Variants in FER observed in about 807,000 individuals in gnomAD.
FER encodes the protein tyrosine-protein kinase Fer.
A neutral mutation model predicts 111.0 loss-of-function variants in FER; 63 were observed. That is an observed-to-expected ratio of 0.57 (90% CI 0.46 to 0.70). The LOEUF is 0.70. Ranked by LOEUF, FER falls within the 30% of genes least tolerant of loss-of-function variation. The pLI is 0.00. For missense variants in FER, 914 were observed against 954.0 expected (o/e 0.96, Z 0.55); for synonymous variants, 327 against 313.9 (o/e 1.04, Z -0.44).
chr5:108,785,839 C>T (rs779791188), intron 2 of FER, among the ~76,000 whole-genome samples: 2 of 152,156 alleles, frequency 1.3e-5, no homozygotes, highest in African/African-American at 2.4e-5. Flanking sequence ...GTGAGGTAGG[C>T]GTAAGTCATC....
chr5:108,899,527 G>A (rs1355016021), intron 10 of FER, among the ~76,000 whole-genome samples: 2 of 151,938 alleles, frequency 1.3e-5, no homozygotes, highest in African/African-American at 2.4e-5. Flanking sequence ...GGCTGGGCGC[G>A]GTGGCTCACG....
chr5:108,895,786 A>G (rs1193426211), intron 9 of FER, among the ~76,000 whole-genome samples: 1 of 152,194 alleles, frequency 6.6e-6, no homozygotes, highest in Non-Finnish European at 1.5e-5. Context: ...AGCTGACCAT[A>G]GGTTTAAGAG....
In FER at chr5:109,112,524, A is replaced by G. The variant is rs577136486; in HGVS notation, c.2048+12005A>G. ...CTGGTGTGGGCCACTGCTTCAAAGCAGGCTCTGAGAGAGATCACTATGCCC... is the reference window on the plus strand; with the variant it reads ...CTGGTGTGGGCCACTGCTTCAAAGCGGGCTCTGAGAGAGATCACTATGCCC... On this transcript the variant is annotated intron_variant, in intron 17 of 19. Transcript: ENST00000281092. 4.6e-5 allele frequency among the ~76,000 whole-genome samples: 7 copies of G among 152,290 alleles called. No homozygotes were observed. In the South Asian group the frequency reaches 1.4e-3, roughly 32 times the overall value.
In FER at chr5:109,126,096, A is replaced by G. The variant is rs145985771; in HGVS notation, c.2048+25577A>G. On this transcript the variant is annotated intron_variant, in intron 17 of 19. Coordinates refer to ENST00000281092, the MANE Select transcript of FER (RefSeq NM_005246.4). ...CAGACTCCCTGATCTTTTTTGGATT[A>G]TCTGTGGATAATCAGAATTATGTGC... 1.8e-3 allele frequency among the ~76,000 whole-genome samples: 274 copies of G among 151,984 alleles called. 1 individual carries two copies. The highest frequency in any genetic ancestry group is 6.2e-3 in the African/African-American group (256 of 41,480).
chr5:108,766,834 A>C (rs1344855057), intron 1 of FER, among the ~76,000 whole-genome samples: 1 of 152,200 alleles, frequency 6.6e-6, no homozygotes. Context: ...TGGGATTAAA[A>C]ATAGTATGGC....
At chr5:108,770,757 C>T (rs36054201) in intron 2 of FER, among the ~76,000 whole-genome samples, 8,225 of 152,082 alleles carry the variant, frequency 0.054, 317 homozygotes, top group Non-Finnish European at 0.078. Context: ...GTCTAAATTC[C>T]TAGGAGGTTC....
At chr5:109,073,830 C>T (rs1776031005) in intron 16 of FER, among the ~76,000 whole-genome samples, 1 of 152,112 alleles carries the variant, frequency 6.6e-6, no homozygotes, top group Middle Eastern at 3.4e-3. Flanking sequence ...TCAAGTTGTT[C>T]AAGGGTCAAC....
chr5:108,944,679 G>A (rs866231157), intron 10 of FER, among the ~76,000 whole-genome samples: 2 of 152,038 alleles, frequency 1.3e-5, no homozygotes, highest in South Asian at 2.1e-4. Flanking sequence ...CATGACAAAT[G>A]AGTTTCATGT....
chr5:109,041,599 T>G (rs894999343), intron 14 of FER, among the ~76,000 whole-genome samples: 2 of 152,124 alleles, frequency 1.3e-5, no homozygotes, highest in African/African-American at 4.8e-5. Flanking sequence ...GAGTGCAAGG[T>G]AATTGGAGGA....
chr5:109,057,233 A>C (rs1773767804), intron 16 of FER, among the ~76,000 whole-genome samples: 1 of 152,238 alleles, frequency 6.6e-6, no homozygotes, highest in Admixed American at 6.5e-5. Context: ...AATTAGAATA[A>C]GAGCAAATTA....
Position 109,100,449 on chromosome 5 carries a change from C to G in FER, c.1978C>G (p.Gln660Glu). The G allele has an allele frequency of 6.2e-7, 1 of 1,611,418 alleles. No homozygotes were observed. Among genetic ancestry groups the G allele is most frequent in the South Asian group, 1.1e-5 (1 of 90,994 alleles). The change falls in exon 17 of 20, where the codon CAG becomes GAG. Residue 660 changes from glutamine (Q) to glutamate (E), a missense_variant. By Grantham distance (29) the Gln-to-Glu change is conservative (BLOSUM62 2). This residue lies in a region of FER where 774 missense variants were observed against 782.6 expected (regional missense o/e 0.99). Coordinates refer to ENST00000281092, the MANE Select transcript of FER (RefSeq NM_005246.4). ...RRKKDELKLK[Q>E]LVKFSLDAAA... ...GAAGAAGGATGAACTAAAACTCAAACAGTTAGTGAAATTTTCATTAGACGC... is the reference window on the plus strand; with the variant it reads ...GAAGAAGGATGAACTAAAACTCAAAGAGTTAGTGAAATTTTCATTAGACGC...
chr5:108,748,235 A>C (rs1364733882), intron 1 of FER, among the ~76,000 whole-genome samples: 1 of 152,262 alleles, frequency 6.6e-6, no homozygotes, highest in Non-Finnish European at 1.5e-5. Context: ...ACGTACAGGA[A>C]AAAGTGACCA....
At chr5:109,121,944 T>A (rs1323141973) in intron 17 of FER, among the ~76,000 whole-genome samples, 1 of 152,120 alleles carries the variant, frequency 6.6e-6, no homozygotes, top group African/African-American at 2.4e-5. Flanking sequence ...TTATAATGTT[T>A]CCTTTTTCAT....
At chr5:108,873,557 G>A (rs1009658413) in intron 8 of FER, among the ~76,000 whole-genome samples, 3 of 152,152 alleles carry the variant, frequency 2.0e-5, no homozygotes, top group Admixed American at 1.3e-4. Context: ...ACTGACTACT[G>A]GTGAGAGCAA....
chr5:108,990,673 AAG>A (rs1202808350), intron 13 of FER, among the ~76,000 whole-genome samples: 1 of 151,712 alleles, frequency 6.6e-6, no homozygotes, highest in African/African-American at 2.4e-5. Context: ...AAATGGTCTT[AAG>A]AGAGAGAGAC....
chr5:109,079,076 C>T (rs1365382498), intron 16 of FER, among the ~76,000 whole-genome samples: 1 of 152,060 alleles, frequency 6.6e-6, no homozygotes, highest in Admixed American at 6.6e-5. Flanking sequence ...TTATGGGAGA[C>T]ATTTAAAGAT....
intron 13 of FER, among the ~76,000 whole-genome samples, chr5:109,005,368 C>CATGT (rs367893208): frequency 0.011 from 1,649 of 149,710 alleles, 12 homozygotes; most frequent in Middle Eastern, 0.024. Flanking sequence ...AAAACTATCC[C>CATGT]GTGTGTGTGT....
intron 17 of FER, among the ~76,000 whole-genome samples, chr5:109,173,280 A>G (rs954496376): frequency 2.6e-5 from 4 of 152,152 alleles, no homozygotes; most frequent in African/African-American, 9.7e-5. Context: ...TCAGGCAACA[A>G]CTTGGTTGTT....
chr5:109,093,940 A>G (rs1456962969), intron 16 of FER, among the ~76,000 whole-genome samples: 2 of 152,110 alleles, frequency 1.3e-5, no homozygotes, highest in South Asian at 2.1e-4. Context: ...TACACTGTCT[A>G]TCAGAGGCAA....
Sources: allele counts gnomAD v4.1 joint callset (sites outside exome capture counted in the v4.1 genomes callset), GRCh38; gene constraint gnomAD v4.1.1; regional missense constraint gnomAD v4.1.1; transcripts MANE v1.5; gene names NCBI Gene and HGNC (gene_info 2026-07-23, HGNC 2026-07-21).